The following CADM2 variants were observed in gnomAD, a reference collection of about 807,000 sequenced individuals.
The protein encoded by CADM2 is cell adhesion molecule 2.
A neutral mutation model predicts 49.8 loss-of-function variants in CADM2; 12 were observed. The ratio of observed to expected loss-of-function variants is 0.24; its 90% CI spans 0.15 to 0.39. The LOEUF is 0.39. Ranked by LOEUF, CADM2 falls within the 10% of genes least tolerant of loss-of-function variation. The pLI is 1.00. For synonymous variants in CADM2, 214 were observed against 175.4 expected (o/e 1.22, Z -1.74); for missense variants, 378 against 492.3 (o/e 0.77, Z 2.20).
At chr3:85,490,627 A>G (rs531050433) in intron 1 of CADM2, among the ~76,000 whole-genome samples, 22 of 152,222 alleles carry the variant, frequency 1.4e-4, no homozygotes, top group African/African-American at 5.1e-4. Context: ...TAAAAAATCA[A>G]TTAATTCCAG....
intron 1 of CADM2, among the ~76,000 whole-genome samples, chr3:85,573,314 T>C (rs2062538580): frequency 6.6e-6 from 1 of 152,090 alleles, no homozygotes; most frequent in African/African-American, 2.4e-5. Context: ...TGCCTCAGCC[T>C]CCCAAGAAGT....
intron 3 of CADM2, among the ~76,000 whole-genome samples, chr3:85,841,136 A>G (rs1428489594): frequency 2.0e-5 from 3 of 151,854 alleles, no homozygotes; most frequent in Non-Finnish European, 4.4e-5. Flanking sequence ...TCAATATTAT[A>G]TTATAAACTC....
At chr3:85,699,681 G>C (rs2066687605) in intron 1 of CADM2, among the ~76,000 whole-genome samples, 1 of 152,176 alleles carries the variant, frequency 6.6e-6, no homozygotes, top group Non-Finnish European at 1.5e-5. Flanking sequence ...GTAGAGTCCT[G>C]GGCCTGGCCC....
intron 1 of CADM2, among the ~76,000 whole-genome samples, chr3:85,024,374 A>C (rs1459126606): frequency 1.3e-5 from 2 of 152,104 alleles, no homozygotes; most frequent in East Asian, 3.9e-4. Context: ...TAGCCAATTA[A>C]TGTAGGAGTC....
intron 2 of CADM2, among the ~76,000 whole-genome samples, chr3:85,748,211 A>G (rs537081690): frequency 6.6e-6 from 1 of 152,128 alleles, no homozygotes; most frequent in Admixed American, 6.6e-5. Flanking sequence ...CCAGACATCA[A>G]AGCCTTTCTC....
At chr3:85,914,918 C>G (rs1718083589) in intron 6 of CADM2, among the ~76,000 whole-genome samples, 1 of 152,126 alleles carries the variant, frequency 6.6e-6, no homozygotes, top group Admixed American at 6.6e-5. Flanking sequence ...ATTATAAAGA[C>G]ACAGTAGTTA....
At chr3:85,151,211 A>G (rs773387486) in intron 1 of CADM2, among the ~76,000 whole-genome samples, 7 of 152,050 alleles carry the variant, frequency 4.6e-5, no homozygotes, top group Non-Finnish European at 8.8e-5. Context: ...ATTTTATACA[A>G]ATTCTCCTCA....
intron 1 of CADM2, among the ~76,000 whole-genome samples, chr3:85,295,167 G>A (rs2043922792): frequency 6.6e-6 from 1 of 152,160 alleles, no homozygotes; most frequent in African/African-American, 2.4e-5. Context: ...AGCCATTTAT[G>A]CAGCCAAAAA....
intron 1 of CADM2, among the ~76,000 whole-genome samples, chr3:85,574,433 G>A (rs1471895600): frequency 6.6e-6 from 1 of 152,012 alleles, no homozygotes; most frequent in African/African-American, 2.4e-5. Flanking sequence ...CTTCATTTTC[G>A]GTCCACTTAC....
At chr3:85,134,691 C>G (rs78575502) in intron 1 of CADM2, among the ~76,000 whole-genome samples, 4,660 of 151,920 alleles carry the variant, frequency 0.031, 103 homozygotes, top group East Asian at 0.044. Flanking sequence ...TCAATTTTTG[C>G]TATACACAGC....
At chr3:85,601,122 A>G (rs1469195291) in intron 1 of CADM2, among the ~76,000 whole-genome samples, 8 of 26,964 alleles carry the variant, frequency 3.0e-4, no homozygotes, top group South Asian at 1.3e-3. Context: ...GTGCATTTAT[A>G]TATGTGTGTA....
intron 3 of CADM2, among the ~76,000 whole-genome samples, chr3:85,829,006 T>C (rs2074056571): frequency 6.6e-6 from 1 of 151,984 alleles, no homozygotes; most frequent in South Asian, 2.1e-4. Context: ...ATTATTTTAT[T>C]TGACCATAAG....
chr3:85,237,542 G>C (rs1366920766), intron 1 of CADM2, among the ~76,000 whole-genome samples: 1 of 150,710 alleles, frequency 6.6e-6, no homozygotes, highest in Non-Finnish European at 1.5e-5. Context: ...ATATTACTTA[G>C]AATATATAAA....
chr3:85,263,176 T>C (rs1360434880), intron 1 of CADM2, among the ~76,000 whole-genome samples: 1 of 151,904 alleles, frequency 6.6e-6, no homozygotes, highest in Non-Finnish European at 1.5e-5. Context: ...TGTGTTTTAG[T>C]AGAGATGGGG....
intron 3 of CADM2, among the ~76,000 whole-genome samples, chr3:85,806,267 A>G (rs1300634412): frequency 1.3e-5 from 2 of 152,072 alleles, no homozygotes; most frequent in African/African-American, 2.4e-5. Flanking sequence ...TGGAAGGAAG[A>G]AAAGAATGGA....
chr3:85,151,543 A>G (rs978692211), intron 1 of CADM2, among the ~76,000 whole-genome samples: 8 of 152,224 alleles, frequency 5.3e-5, no homozygotes, highest in Non-Finnish European at 8.8e-5. Flanking sequence ...TGATCTCAAT[A>G]TATTGCCTTA....
At chr3:85,520,173 C>A (rs1299389483) in intron 1 of CADM2, among the ~76,000 whole-genome samples, 1 of 151,842 alleles carries the variant, frequency 6.6e-6, no homozygotes, top group Non-Finnish European at 1.5e-5. Context: ...TCGTTTAGAA[C>A]TCAAAGTGAA....
intron 1 of CADM2, among the ~76,000 whole-genome samples, chr3:85,222,131 G>A (rs2042057833): frequency 6.6e-6 from 1 of 152,132 alleles, no homozygotes; most frequent in Non-Finnish European, 1.5e-5. Context: ...CATAGACTTG[G>A]TTTGAAGGCT....
At chr3:85,411,339 C>T (rs1381785684) in intron 1 of CADM2, among the ~76,000 whole-genome samples, 2 of 152,156 alleles carry the variant, frequency 1.3e-5, no homozygotes, top group African/African-American at 2.4e-5. Flanking sequence ...AAACCTTGTG[C>T]ACTTCACCTG....
Sources: gnomAD v4.1 joint callset for allele counts (sites outside exome capture counted in the v4.1 genomes callset) on GRCh38, gnomAD v4.1.1 for gene constraint, MANE v1.5 for transcripts, NCBI Gene and HGNC (gene_info 2026-07-23, HGNC 2026-07-21) for gene names.